The following LRRC4C variants were observed in gnomAD, a reference collection of about 807,000 sequenced individuals.
LRRC4C encodes leucine rich repeat containing 4C, also known as leucine-rich repeat-containing protein 4C.
A neutral mutation model predicts 33.6 loss-of-function variants in LRRC4C; 5 were observed. The ratio of observed to expected loss-of-function variants is 0.15; its 90% CI spans 0.08 to 0.31. The LOEUF (loss-of-function observed/expected upper bound fraction) is 0.31, where lower values mean the gene tolerates loss of function less well. Among genes scored for constraint, LRRC4C ranks in the 10% least tolerant of loss-of-function variants. LRRC4C has a pLI of 1.00. For missense variants in LRRC4C, 560 were observed against 796.7 expected, an observed-to-expected ratio of 0.70 and a Z score of 3.58; for synonymous variants, 329 against 302.0, an observed-to-expected ratio of 1.09 and a Z score of -0.93.
chr11:41,294,272 GAA>G, intron 1 of LRRC4C, among the ~76,000 whole-genome samples: 1 of 152,300 alleles, frequency 6.6e-6, no homozygotes, highest in South Asian at 2.1e-4. Flanking sequence ...ACTTGAGGAA[GAA>G]ACAAAGAACT....
chr11:41,440,792 C>T (rs999178754), intron 1 of LRRC4C, among the ~76,000 whole-genome samples: 1 of 152,172 alleles, frequency 6.6e-6, no homozygotes, highest in African/African-American at 2.4e-5. Context: ...GAGCTCCCTC[C>T]TTCTTGCTCT....
intron 1 of LRRC4C, among the ~76,000 whole-genome samples, chr11:41,359,135 G>GA (rs147306757): frequency 0.018 from 2,549 of 142,724 alleles, 70 homozygotes; most frequent in African/African-American, 0.059. Flanking sequence ...TTCTGAAAAA[G>GA]AAAAAAAAAA....
intron 1 of LRRC4C, among the ~76,000 whole-genome samples, chr11:41,122,711 T>C (rs1163883037): frequency 6.6e-6 from 1 of 152,036 alleles, no homozygotes; most frequent in African/African-American, 2.4e-5. Flanking sequence ...ATTGTTAGAA[T>C]TCAGACTTTC....
At chr11:41,423,629 T>C in intron 1 of LRRC4C, among the ~76,000 whole-genome samples, 1 of 152,036 alleles carries the variant, frequency 6.6e-6, no homozygotes, top group South Asian at 2.1e-4. Flanking sequence ...GTAACTTCAA[T>C]TAAGAAAAAG....
rs542536395 is a variant in LRRC4C at position 40,560,267 on chromosome 11, G to T, written c.-270+87875C>A. On this transcript the variant is annotated intron_variant, in intron 3 of 6. Coordinates refer to ENST00000528697, the MANE Select transcript of LRRC4C (RefSeq NM_001258419.2). ...AGCAAACATCAGTCCTACAAGATTT[G>T]TACAAGATGCTGATGTACACAGCAC... Among the ~76,000 whole-genome samples the T allele has an allele frequency of 2.5e-3, 295 of 117,694 alleles. 1 individual carries two copies. The highest frequency in any genetic ancestry group is 9.5e-3 in the Middle Eastern group (2 of 210). 77.2% of individuals were successfully genotyped at this position (117,694 alleles called of 152,430 possible). A position where few individuals can be genotyped will look rare whatever the true frequency, so the allele number is the denominator to read the frequency against.
intron 1 of LRRC4C, among the ~76,000 whole-genome samples, chr11:41,359,754 G>A (rs1952284536): frequency 1.3e-5 from 2 of 152,074 alleles, no homozygotes; most frequent in South Asian, 4.1e-4. Flanking sequence ...AAGTGCCTGA[G>A]GTTTTCCAGT....
intron 1 of LRRC4C, among the ~76,000 whole-genome samples, chr11:41,393,948 G>T (rs1214552809): frequency 6.6e-6 from 1 of 151,966 alleles, no homozygotes; most frequent in African/African-American, 2.4e-5. Context: ...TTAGCCCAGT[G>T]ATAATTTTTT....
intron 3 of LRRC4C, among the ~76,000 whole-genome samples, chr11:40,640,628 C>T (rs1942050301): frequency 6.6e-6 from 1 of 151,822 alleles, no homozygotes; most frequent in African/African-American, 2.4e-5. Context: ...TAATAATAAA[C>T]TTATTTTGTT....
chr11:41,125,146 C>T (rs1449480613), intron 1 of LRRC4C, among the ~76,000 whole-genome samples: 9 of 152,032 alleles, frequency 5.9e-5, no homozygotes, highest in South Asian at 4.2e-4. Flanking sequence ...GGTCTATCTG[C>T]GGAGTAAGCA....
rs1590911014 is a variant in LRRC4C, at chr11:40,285,414, A to G, written c.-176+34214T>C. Among the ~76,000 whole-genome samples, 8 of 152,332 alleles carry G rather than the reference A, an allele frequency of 5.3e-5. 1 individual carries two copies. The highest frequency in any genetic ancestry group is 5.2e-4 in the Admixed American group (8 of 15,302). On this transcript the variant is annotated intron_variant, in intron 4 of 6. Transcript: ENST00000528697. Reference sequence around the variant, plus strand: ...AGAGAGATCAAACACAAGAAGGACTAACATCAGGTGTTGGGTCCCCACAAT... The same window carrying G: ...AGAGAGATCAAACACAAGAAGGACTGACATCAGGTGTTGGGTCCCCACAAT...
At chr11:40,345,168 T>C (rs1405246931) in intron 3 of LRRC4C, among the ~76,000 whole-genome samples, 1 of 152,090 alleles carries the variant, frequency 6.6e-6, no homozygotes, top group Non-Finnish European at 1.5e-5. Flanking sequence ...AAACTATCAA[T>C]AACATTCTTC....
At chr11:40,986,076 A>G (rs1035614228) in intron 1 of LRRC4C, among the ~76,000 whole-genome samples, 94 of 152,212 alleles carry the variant, frequency 6.2e-4, no homozygotes, top group African/African-American at 2.3e-3. Context: ...GTTAAACTAT[A>G]TATGAAAGTT....
chr11:41,071,629 T>C (rs1259243417), intron 1 of LRRC4C, among the ~76,000 whole-genome samples: 1 of 152,152 alleles, frequency 6.6e-6, no homozygotes. Context: ...TACAAGGAGA[T>C]TAATGTTTTC....
At position 40,914,719 on chromosome 11, in the gene LRRC4C, A is replaced by T. The variant is rs1956864606; in HGVS notation, c.-407+18916T>A. Among the ~76,000 whole-genome samples, 3 of 152,174 alleles carry T rather than the reference A, an allele frequency of 2.0e-5. 1 individual carries two copies. The South Asian group carries it at 6.2e-4, about 32-fold the overall frequency. On this transcript the variant is annotated intron_variant, in intron 2 of 6. Coordinates refer to ENST00000528697, the MANE Select transcript of LRRC4C (RefSeq NM_001258419.2). ...CCAGGACAATCAGTCAGGAGAAGGA[A>T]ATAAAGGGTATTCAATTAGGAAAAG...
intron 2 of LRRC4C, among the ~76,000 whole-genome samples, chr11:40,754,426 G>GC (rs1948841595): frequency 6.6e-6 from 1 of 152,128 alleles, no homozygotes; most frequent in Admixed American, 6.6e-5. Flanking sequence ...CTCCTCAGGA[G>GC]TGACCTCTTA....
At chr11:40,361,925 A>G (rs1483293952) in intron 3 of LRRC4C, among the ~76,000 whole-genome samples, 1 of 152,174 alleles carries the variant, frequency 6.6e-6, no homozygotes, top group African/African-American at 2.4e-5. Context: ...ACATAGACCA[A>G]TGGAACAGAA....
At chr11:41,355,925 T>C (rs994594854) in intron 1 of LRRC4C, among the ~76,000 whole-genome samples, 3 of 152,136 alleles carry the variant, frequency 2.0e-5, no homozygotes, top group African/African-American at 2.4e-5. Flanking sequence ...ACTACCAACA[T>C]TCAAGTATTT....
intron 1 of LRRC4C, among the ~76,000 whole-genome samples, chr11:41,333,000 G>GA (rs1951342604): frequency 6.6e-6 from 1 of 151,990 alleles, no homozygotes; most frequent in Non-Finnish European, 1.5e-5. Flanking sequence ...GAATTCAAGA[G>GA]AAAAAAGAAG....
At chr11:40,792,970 C>T (rs1404934567) in intron 2 of LRRC4C, among the ~76,000 whole-genome samples, 1 of 151,936 alleles carries the variant, frequency 6.6e-6, no homozygotes, top group Non-Finnish European at 1.5e-5. Flanking sequence ...GGGAACATCA[C>T]ACACTGGGGC....
Sources: allele counts gnomAD v4.1 joint callset (sites outside exome capture counted in the v4.1 genomes callset), GRCh38; gene constraint gnomAD v4.1.1; transcripts MANE v1.5; gene names NCBI Gene and HGNC (gene_info 2026-07-23, HGNC 2026-07-21).